MYT1L: variants seen among roughly 807,000 people sequenced by gnomAD.
MYT1L encodes myelin transcription factor 1 like.
A neutral mutation model predicts 126.7 loss-of-function variants in MYT1L; 12 were observed. That is an observed-to-expected ratio of 0.09 (90% CI 0.06 to 0.15). The LOEUF (loss-of-function observed/expected upper bound fraction) is 0.15. MYT1L is among the 10% of genes least tolerant of loss of function. The pLI is 1.00. For synonymous variants in MYT1L, 541 were observed against 604.2 expected (o/e 0.90, Z 1.53); for missense variants, 979 against 1,585.2 (o/e 0.62, Z 6.49).
In MYT1L at chr2:1,910,117, C is replaced by G. The variant is rs2051718687; in HGVS notation, c.1817+123G>C. ...GTCCTGGCCCCGGCTTCCAGCACAG[C>G]CCCGCCCTCCAGTCCCTGCCCCTGC... On this transcript the variant is annotated intron_variant, in intron 13 of 24. Coordinates refer to ENST00000647738, the MANE Select transcript of MYT1L (RefSeq NM_001303052.2). This position sits in a 1 kb window ranked among gnomAD's most constrained non-coding sequence, Gnocchi z 4.8. 13 of 878,554 alleles carry G rather than the reference C, an allele frequency of 1.5e-5. No homozygotes were observed. The South Asian group carries it at 2.1e-4, about 14-fold the overall frequency. 54.4% of individuals were successfully genotyped at this position (878,554 alleles called of 1,614,324 possible).
At chr2:1,902,758 AGGG>A (rs1407523674) in intron 14 of MYT1L, 6 of 347,772 alleles carry the variant, frequency 1.7e-5, no homozygotes, top group Non-Finnish European at 2.7e-5. Flanking sequence ...GTATAACATA[AGGG>A]CACTGTCTTC....
intron 3 of MYT1L, among the ~76,000 whole-genome samples, chr2:2,107,800 G>A (rs1197137160): frequency 1.3e-5 from 2 of 152,166 alleles, no homozygotes; most frequent in Non-Finnish European, 2.9e-5. Context: ...AGGACAGGAA[G>A]TTTCAGCATG....
chr2:1,941,469 T>C (rs2056634282), intron 9 of MYT1L, among the ~76,000 whole-genome samples: 1 of 152,228 alleles, frequency 6.6e-6, no homozygotes, highest in Admixed American at 6.5e-5. Flanking sequence ...TGATCTACTT[T>C]CCAAATATTT....
At position 2,156,185 on chromosome 2, in the gene MYT1L, G is replaced by A. The variant is rs1051403787; in HGVS notation, c.-304+16687C>T. 1.4e-4 allele frequency among the ~76,000 whole-genome samples: 21 copies of A among 152,248 alleles called. No individual in the cohort carries two copies. The South Asian group carries it at 1.9e-3, about 14-fold the overall frequency. ...AATAACCTAAAATTTGGAATATCCC[G>A]GCTGGGAAGCTGTGCTAGGAGGAGG... On this transcript the variant is annotated intron_variant, in intron 3 of 24. Transcript: ENST00000647738.
rs140312458 is a variant in MYT1L at position 2,232,733 on chromosome 2, A to G, written c.-421+51671T>C. On this transcript the variant is annotated intron_variant, in intron 2 of 24. Coordinates refer to ENST00000647738, the MANE Select transcript of MYT1L (RefSeq NM_001303052.2). ...CTTATTTAAGTTTAAGGATGATGAT[A>G]TACATTTGAAACAGGAAGGCAGTGT... Among the ~76,000 whole-genome samples the G allele has an allele frequency of 5.4e-3, 825 of 152,302 alleles. 10 individuals are homozygous for G. The highest frequency in any genetic ancestry group is 0.019 in the African/African-American group (792 of 41,566).
intron 1 of MYT1L, among the ~76,000 whole-genome samples, chr2:2,312,833 G>A (rs2095997400): frequency 6.6e-6 from 1 of 152,038 alleles, no homozygotes; most frequent in African/African-American, 2.4e-5. Context: ...ATTGTAAGCT[G>A]GGGTGTGGAG....
At chr2:2,068,770 T>C (rs1472635077) in intron 3 of MYT1L, among the ~76,000 whole-genome samples, 4 of 15,438 alleles carry the variant, frequency 2.6e-4, no homozygotes, top group Non-Finnish European at 4.3e-4. Context: ...GTTCTTCTTG[T>C]TTTTTTTTTT....
intron 18 of MYT1L, among the ~76,000 whole-genome samples, chr2:1,874,770 C>G (rs547384996): frequency 6.6e-6 from 1 of 152,336 alleles, no homozygotes; most frequent in African/African-American, 2.4e-5. Flanking sequence ...GCCAGTCTTA[C>G]AGCTGTCCTC....
At chr2:2,005,470 T>C (rs2063174723) in intron 4 of MYT1L, among the ~76,000 whole-genome samples, 1 of 150,586 alleles carries the variant, frequency 6.6e-6, no homozygotes, top group African/African-American at 2.4e-5. Flanking sequence ...CTGCATGTGT[T>C]CTTTCCTGAA....
chr2:2,033,128 A>C (rs1574689271), intron 4 of MYT1L, among the ~76,000 whole-genome samples: 2 of 96,570 alleles, frequency 2.1e-5, no homozygotes, highest in East Asian at 3.3e-4. Context: ...CACACCCCAC[A>C]CCCCTCGCCC....
intron 4 of MYT1L, among the ~76,000 whole-genome samples, chr2:2,008,102 G>A (rs1376930547): frequency 6.6e-6 from 1 of 152,150 alleles, no homozygotes; most frequent in Non-Finnish European, 1.5e-5. Context: ...CCCAATAGAT[G>A]ACTCTGTCAC....
intron 18 of MYT1L, among the ~76,000 whole-genome samples, chr2:1,853,231 C>T (rs1277261446): frequency 6.6e-6 from 1 of 152,132 alleles, no homozygotes; most frequent in Non-Finnish European, 1.5e-5. Flanking sequence ...GTAAAGGGTT[C>T]TTCTGTGTGC....
chr2:1,940,360 A>T (rs1446269861), intron 9 of MYT1L, among the ~76,000 whole-genome samples: 17 of 128,490 alleles, frequency 1.3e-4, no homozygotes, highest in Admixed American at 4.1e-4. Context: ...AGGTTATCTC[A>T]CAACATCTCA....
intron 1 of MYT1L, among the ~76,000 whole-genome samples, chr2:2,287,862 C>A (rs569279722): frequency 6.6e-6 from 1 of 152,184 alleles, no homozygotes. Context: ...CTATTAAGCC[C>A]GACCAACTCT....
chr2:1,919,959 C>T (rs867807052), intron 10 of MYT1L, among the ~76,000 whole-genome samples: 2 of 121,664 alleles, frequency 1.6e-5, no homozygotes, highest in South Asian at 2.4e-4. Context: ...ACCTCGTGAT[C>T]CACCCGCACT....
At chr2:1,815,310 G>A (rs971610414) in intron 21 of MYT1L, among the ~76,000 whole-genome samples, 2 of 152,180 alleles carry the variant, frequency 1.3e-5, no homozygotes, top group African/African-American at 4.8e-5. Flanking sequence ...CACCTTCGCT[G>A]AGCAGCATCA....
intron 3 of MYT1L, among the ~76,000 whole-genome samples, chr2:2,065,823 TACAC>T (rs71824780): frequency 0.012 from 1,738 of 144,872 alleles, 41 homozygotes; most frequent in East Asian, 0.092. Flanking sequence ...CTCTCTTTTA[TACAC>T]ACACACACAC....
intron 21 of MYT1L, chr2:1,825,530 A>C (rs1442582653): frequency 2.6e-5 from 4 of 152,226 alleles, no homozygotes; most frequent in Non-Finnish European, 2.9e-5. Context: ...GATTGGAATT[A>C]CAGTCTTAGC....
In MYT1L at chr2:1,811,949, A is replaced by C. The variant is rs1476556120; in HGVS notation, c.3081-2782T>G. On this transcript the variant is annotated intron_variant, in intron 21 of 24. Transcript: ENST00000647738. This position sits in a 1 kb window ranked among gnomAD's most constrained non-coding sequence, Gnocchi z 4.4. Reference sequence around the variant, plus strand: ...TAGCTTATCCGTAAATCTGCTTCTGAAGGCGAGCTGGATATTTTCATTTGT... The same window carrying C: ...TAGCTTATCCGTAAATCTGCTTCTGCAGGCGAGCTGGATATTTTCATTTGT... Among the ~76,000 whole-genome samples, 3 of 152,192 alleles carry C rather than the reference A, an allele frequency of 2.0e-5. No individual in the cohort carries two copies. Among genetic ancestry groups the C allele is most frequent in the Non-Finnish European group, 2.9e-5 (2 of 68,036 alleles).
Sources: gnomAD v4.1 joint callset for allele counts (sites outside exome capture counted in the v4.1 genomes callset) on GRCh38, gnomAD v4.1.1 for gene constraint, Gnocchi (gnomAD v3.1) non-coding constraint, MANE v1.5 for transcripts, NCBI Gene and HGNC (gene_info 2026-07-23, HGNC 2026-07-21) for gene names.